The following PCDHGA8 variants were observed in gnomAD, a reference collection of about 807,000 sequenced individuals.
PCDHGA8 encodes protocadherin gamma-A8.
Under a neutral mutation model 59.2 loss-of-function variants are expected in PCDHGA8, and 45 were observed. The observed-to-expected ratio is 0.76, with a 90% CI of 0.60 to 0.98. The LOEUF (loss-of-function observed/expected upper bound fraction) is 0.98. Ranked by LOEUF, PCDHGA8 falls within the 50% of genes least tolerant of loss-of-function variation. The pLI, the probability that PCDHGA8 is intolerant of heterozygous loss-of-function variation, is 0.00. For synonymous variants in PCDHGA8, 531 were observed against 519.0 expected, an observed-to-expected ratio of 1.02 and a Z score of -0.32; for missense variants, 1,257 against 1,196.2, an observed-to-expected ratio of 1.05 and a Z score of -0.75.
Position 141,491,739 on chromosome 5 carries a change from C to A in PCDHGA8, c.2425-3068C>A, listed in dbSNP as rs372183034. ...CGCCGCCCCGGGCGACCCCTGGGGG[C>A]GGCACTGGAGAAGCCGCCCGTCCTC... On this transcript the variant is annotated intron_variant, in intron 1 of 3. Transcript: ENST00000398604. The surrounding 1 kb of genome is among the most constrained non-coding windows in gnomAD (Gnocchi z 6.9). 2 of 1,598,886 alleles carry A rather than the reference C, an allele frequency of 1.3e-6. No individual in the cohort carries two copies. The highest frequency in any genetic ancestry group is 1.3e-5 in the African/African-American group (1 of 74,290).
chr5:141,395,036 G>C lies in PCDHGA8; in HGVS notation c.2223G>C (p.Val741=). Residue 741 remains valine (V), a synonymous_variant, in exon 1 of 4, where the codon GTG becomes GTC. Coordinates refer to ENST00000398604, the MANE Select transcript of PCDHGA8 (RefSeq NM_032088.2). ...RLVGVPASHF[V]GVEEVQAFLQ... The stretch of plus-strand genomic sequence containing the variant: ...TAGGCGTGCCTGCCTCACATTTTGT[G>C]GGTGTTGAGGAGGTACAGGCTTTCC... The C allele has an allele frequency of 1.2e-6, 2 of 1,614,110 alleles. No individual in the cohort carries two copies. Among genetic ancestry groups the C allele is most frequent in the South Asian group, 1.1e-5 (1 of 91,070 alleles).
At chr5:141,405,267 A>G (rs1384687423) in intron 1 of PCDHGA8, 1 of 1,614,154 alleles carries the variant, frequency 6.2e-7, no homozygotes, top group South Asian at 1.1e-5. Context: ...ATCTTCCCCC[A>G]GCCCAACTAT....
chr5:141,401,516 T>G (rs375937507), intron 1 of PCDHGA8, among the ~76,000 whole-genome samples: 3 of 152,320 alleles, frequency 2.0e-5, no homozygotes, highest in South Asian at 2.1e-4. Context: ...CTCTATATAA[T>G]TACCAGAAGA....
In PCDHGA8 at chr5:141,418,814, A is replaced by G. The variant is rs2096290321; in HGVS notation, c.2424+23577A>G. ...AGAAGTAGAAAGATATACGATAAACATAGAAGCAAAAGACCGAGGATCTCT... is the reference window on the plus strand; with the variant it reads ...AGAAGTAGAAAGATATACGATAAACGTAGAAGCAAAAGACCGAGGATCTCT... On this transcript the variant is annotated intron_variant, in intron 1 of 3. Transcript: ENST00000398604. The G allele has an allele frequency of 6.2e-7, 1 of 1,613,962 alleles. No individual in the cohort carries two copies.
chr5:141,403,220 A>G (rs1340190547), intron 1 of PCDHGA8: 1 of 1,613,824 alleles, frequency 6.2e-7, no homozygotes, highest in Non-Finnish European at 8.5e-7. Context: ...CGCGGGTAGG[A>G]TAGACCGGGA....
At chr5:141,416,711 C>G (rs962144454) in intron 1 of PCDHGA8, 1 of 152,152 alleles carries the variant, frequency 6.6e-6, no homozygotes, top group South Asian at 2.1e-4. Context: ...ATTGGAGGTA[C>G]TGATGAGTTC....
intron 1 of PCDHGA8, among the ~76,000 whole-genome samples, chr5:141,465,300 G>A (rs904996219): frequency 1.3e-5 from 2 of 152,112 alleles, no homozygotes; most frequent in Non-Finnish European, 2.9e-5. Flanking sequence ...TGAGAGTCCT[G>A]GGAATTTAGC....
chr5:141,468,226 G>T (rs967204965), intron 1 of PCDHGA8, among the ~76,000 whole-genome samples: 2 of 151,038 alleles, frequency 1.3e-5, no homozygotes, highest in Admixed American at 1.3e-4. Flanking sequence ...TTGGGAGGAT[G>T]AGGTAGGAGA....
chr5:141,495,384 C>A (rs2099760896), intron 2 of PCDHGA8, among the ~76,000 whole-genome samples: 1 of 152,190 alleles, frequency 6.6e-6, no homozygotes, highest in African/African-American at 2.4e-5. Flanking sequence ...AAGGACTGGG[C>A]GGGGCATGGA....
chr5:141,407,591 C>T (rs878883569), intron 1 of PCDHGA8, among the ~76,000 whole-genome samples: 1 of 151,680 alleles, frequency 6.6e-6, no homozygotes, highest in Non-Finnish European at 1.5e-5. Flanking sequence ...CTTAATGTCT[C>T]ATCTTAAAAA....
chr5:141,417,001 ATAAT>A (rs2096073629), intron 1 of PCDHGA8: 2 of 150,812 alleles, frequency 1.3e-5, no homozygotes, highest in Non-Finnish European at 1.5e-5. Flanking sequence ...TTCATCTCAA[ATAAT>A]TCTATTATTT....
Position 141,511,350 on chromosome 5 carries a change from C to G in PCDHGA8, c.*177C>G, listed in dbSNP as rs1303365585. 4.3e-6 allele frequency: 6 copies of G among 1,397,194 alleles called. No homozygotes were observed. Among genetic ancestry groups the G allele is most frequent in the East Asian group, 2.5e-5 (1 of 39,862 alleles). The allele number at this position is 1,397,194 out of a possible 1,614,324, so 86.5% of individuals were successfully genotyped here. On this transcript the variant is annotated 3_prime_UTR_variant, in exon 4 of 4. Transcript: ENST00000398604. ...CCCAGTCAGCACCTACCCCTTCCCC[C>G]CCAGGGGGTTGAATATGCAAAAGCA...
intron 1 of PCDHGA8, chr5:141,420,388 A>G (rs986892784): frequency 3.1e-6 from 4 of 1,282,144 alleles, no homozygotes; most frequent in Non-Finnish European, 4.1e-6. Context: ...TTCGCAAAAT[A>G]TAGGTCAAAT....
chr5:141,453,052 G>A (rs1299518260), intron 1 of PCDHGA8, among the ~76,000 whole-genome samples: 2 of 152,062 alleles, frequency 1.3e-5, no homozygotes, highest in East Asian at 3.9e-4. Flanking sequence ...ATTATGTGCA[G>A]TTTTAGAGTT....
intron 1 of PCDHGA8, chr5:141,421,290 G>C (rs2096561632): frequency 6.2e-7 from 1 of 1,613,130 alleles, no homozygotes; most frequent in African/African-American, 1.3e-5. Flanking sequence ...GCATTTTCCT[G>C]GGGACGCTGC....
intron 1 of PCDHGA8, among the ~76,000 whole-genome samples, chr5:141,448,768 G>T (rs544426582): frequency 2.6e-5 from 4 of 151,750 alleles, no homozygotes; most frequent in Non-Finnish European, 4.4e-5. Context: ...GTGAAACCCC[G>T]TCTGTACTAA....
At chr5:141,433,004 T>G (rs368646186) in intron 1 of PCDHGA8, 48 of 1,614,028 alleles carry the variant, frequency 3.0e-5, no homozygotes, top group Non-Finnish European at 3.4e-5. Context: ...GGTGCAGGCT[T>G]TCCTGCAGAC....
intron 2 of PCDHGA8, among the ~76,000 whole-genome samples, chr5:141,503,458 G>A (rs948221006): frequency 2.0e-5 from 3 of 152,018 alleles, no homozygotes; most frequent in Non-Finnish European, 4.4e-5. Flanking sequence ...CGCTGGGCAT[G>A]GTGGCATGTG....
chr5:141,398,661 C>A, intron 1 of PCDHGA8: 1 of 1,614,018 alleles, frequency 6.2e-7, no homozygotes, highest in Non-Finnish European at 8.5e-7. Context: ...ACCCAAGTTT[C>A]TCATTAATAA....
Sources: allele counts gnomAD v4.1 joint callset (sites outside exome capture counted in the v4.1 genomes callset), GRCh38; gene constraint gnomAD v4.1.1; non-coding constraint Gnocchi (gnomAD v3.1); transcripts MANE v1.5; gene names NCBI Gene and HGNC (gene_info 2026-07-23, HGNC 2026-07-21).